The following FGR variants were observed in gnomAD, a reference collection of about 807,000 sequenced individuals.
FGR encodes FGR proto-oncogene, Src family tyrosine kinase.
In FGR, 26 loss-of-function variants were observed where a neutral mutation model predicts 63.2. The ratio of observed to expected loss-of-function variants is 0.41; its 90% CI spans 0.30 to 0.57. The LOEUF is 0.57. Among genes scored for constraint, FGR ranks in the 20% least tolerant of loss-of-function variants. The pLI is 0.27. For missense variants in FGR, 511 were observed against 690.8 expected (o/e 0.74, Z 2.92); for synonymous variants, 286 against 277.7 (o/e 1.03, Z -0.30).
chr1:27,624,349 T>C (rs2089983622), intron 2 of FGR, among the ~76,000 whole-genome samples: 2 of 151,442 alleles, frequency 1.3e-5, no homozygotes, highest in Non-Finnish European at 2.9e-5. Context: ...GATCCTCTGG[T>C]CTCAGCCTCC....
chr1:27,619,438 G>A (rs1340217661), intron 5 of FGR, among the ~76,000 whole-genome samples: 2 of 152,120 alleles, frequency 1.3e-5, no homozygotes, highest in Non-Finnish European at 1.5e-5. Context: ...TGATCCGCCC[G>A]CCTCGGCCTC....
chr1:27,616,898 A>G lies in FGR; in HGVS notation c.641T>C (p.Val214Ala). 1 of 1,614,082 alleles carries G rather than the reference A, an allele frequency of 6.2e-7. No individual in the cohort carries two copies. Among genetic ancestry groups the G allele is most frequent in the East Asian group, 2.2e-5 (1 of 44,884 alleles). Residue 214 changes from valine (V) to alanine (A), a missense_variant, in exon 7 of 13, where the codon GTT becomes GCT. By Grantham distance (64) the Val-to-Ala change is moderately conservative. Transcript: ENST00000374005. This position sits in a 1 kb window ranked among gnomAD's most constrained non-coding sequence, Gnocchi z 4.3. ...DMGGYYITTR[V>A]QFNSVQELVQ... Reference sequence around the variant, plus strand: ...CAGCTCCTGCACCGAGTTGAACTGAACCCGTGTGGTGATGTAGTAGCCGCC... The same window carrying G: ...CAGCTCCTGCACCGAGTTGAACTGAGCCCGTGTGGTGATGTAGTAGCCGCC...
chr1:27,620,984 C>A (rs1458726281), intron 5 of FGR, among the ~76,000 whole-genome samples: 6 of 95,116 alleles, frequency 6.3e-5, no homozygotes. Flanking sequence ...AGAGTAGGAC[C>A]CTGTCTCAAA....
chr1:27,618,004 A>G (rs747116566), intron 5 of FGR, among the ~76,000 whole-genome samples: 9 of 152,316 alleles, frequency 5.9e-5, no homozygotes, highest in Non-Finnish European at 1.3e-4. Context: ...CAGGTGCCAT[A>G]GAAGACTCAG....
At chr1:27,622,157 C>CA (rs2089940552) in intron 4 of FGR, among the ~76,000 whole-genome samples, 1 of 151,896 alleles carries the variant, frequency 6.6e-6, no homozygotes, top group Admixed American at 6.6e-5. Context: ...ACTGAAAATA[C>CA]AAAAAATTAG....
rs755738879 is a variant in FGR at position 27,614,468 on chromosome 1, G to A, written c.1211C>T (p.Ala404Val). 1.2e-6 allele frequency: 2 copies of A among 1,613,466 alleles called. No individual in the cohort carries two copies. Among genetic ancestry groups the A allele is most frequent in the Non-Finnish European group, 1.7e-6 (2 of 1,179,736 alleles). Residue 404 changes from alanine to valine, a missense_variant, in exon 11 of 13, where the codon GCG becomes GTG. Coordinates refer to ENST00000374005, the MANE Select transcript of FGR (RefSeq NM_005248.3). ...GTACTCATCGTCCTTGATGAGACGC[G>A]CCAAGCCAAAGTCTGCGATCTTGCA... ...LACKIADFGL[A>V]RLIKDDEYNP...
At chr1:27,622,505 A>T (rs1482029371) in intron 4 of FGR, among the ~76,000 whole-genome samples, 1 of 149,292 alleles carries the variant, frequency 6.7e-6, no homozygotes, top group Non-Finnish European at 1.5e-5. Flanking sequence ...TTATTTTTTA[A>T]TTATTTATTT....
intron 1 of FGR, among the ~76,000 whole-genome samples, chr1:27,630,063 T>C (rs1350568861): frequency 2.0e-5 from 3 of 151,402 alleles, no homozygotes; most frequent in Non-Finnish European, 4.4e-5. Flanking sequence ...TTTTTTGTGA[T>C]TTTTTTTGAG....
chr1:27,634,867 A>G (rs1322224209), intron 1 of FGR, among the ~76,000 whole-genome samples, 198 bp downstream of exon 1: 1 of 151,552 alleles, frequency 6.6e-6, no homozygotes, highest in Non-Finnish European at 1.5e-5. Context: ...CAGGTTTATC[A>G]GCCTTGCTTT....
At chr1:27,627,966 C>T (rs1198819163) in intron 1 of FGR, among the ~76,000 whole-genome samples, 1 of 151,980 alleles carries the variant, frequency 6.6e-6, no homozygotes, top group Admixed American at 6.6e-5. Context: ...GAAACCTGCC[C>T]AGGGTTGGCC....
In FGR at chr1:27,615,075, TCCTGGC is replaced by T; in HGVS notation, c.1019-155_1019-150del. The T allele has an allele frequency of 1.5e-6, 1 of 668,454 alleles. No individual in the cohort carries two copies. Among genetic ancestry groups the T allele is most frequent in the Middle Eastern group, 4.0e-4 (1 of 2,490 alleles). The allele number at this position is 668,454 out of a possible 1,614,324, so 41.4% of individuals were successfully genotyped here. On this transcript the variant is annotated intron_variant, in intron 9 of 12. Coordinates refer to ENST00000374005, the MANE Select transcript of FGR (RefSeq NM_005248.3). The surrounding 1 kb of genome is among the most constrained non-coding windows in gnomAD (Gnocchi z 7.6). Reference sequence around the variant, plus strand: ...GTGCCTCAACCCCTCACTTGTCTCGTCCTGGCCCTGCTGCCAGACACGGACTCTGCC... The same window carrying T: ...GTGCCTCAACCCCTCACTTGTCTCGTCCTGCTGCCAGACACGGACTCTGCC...
At chr1:27,633,405 A>G (rs2090134066) in intron 1 of FGR, among the ~76,000 whole-genome samples, 5 of 152,204 alleles carry the variant, frequency 3.3e-5, no homozygotes, top group Admixed American at 3.3e-4. Flanking sequence ...AGGGGCGGCC[A>G]ACTGGATGCA....
At chr1:27,626,309 C>G (rs1373035344) in intron 1 of FGR, 1 of 397,902 alleles carries the variant, frequency 2.5e-6, no homozygotes, top group East Asian at 3.6e-5. Flanking sequence ...TGGGGCCAAC[C>G]TTGTGAACCC....
chr1:27,614,553 T>G lies in FGR; in HGVS notation c.1126A>C (p.Met376Leu). The G allele has an allele frequency of 6.2e-7, 1 of 1,614,086 alleles. No individual in the cohort carries two copies. Among genetic ancestry groups the G allele is most frequent in the South Asian group, 1.1e-5 (1 of 91,056 alleles). ...CTCAGGTCGCGGTGAATGTAGTTCA[T>G]GCGTTCCATGTAGGCCATGCCCTCA... is the stretch of plus-strand genomic sequence containing the variant. ...VAEGMAYMER[M>L]NYIHRDLRAA... is the part of the protein sequence containing the mutation. Residue 376 changes from methionine (M) to leucine (L), a missense_variant, in exon 11 of 13, where the codon ATG becomes CTG. Met to Leu is a conservative substitution (Grantham distance 15). Transcript: ENST00000374005.
intron 1 of FGR, among the ~76,000 whole-genome samples, chr1:27,626,943 G>A (rs1199173400): frequency 6.6e-6 from 1 of 152,088 alleles, no homozygotes; most frequent in African/African-American, 2.4e-5. Context: ...GAGGCAGGAT[G>A]ATTGCTTGAG....
chr1:27,613,176 C>T lies in FGR; in HGVS notation c.1381+43G>A, dbSNP rs373906596. On this transcript the variant is annotated intron_variant, in intron 12 of 12. Transcript: ENST00000374005. ...GGACAGCCAGGTGGAAGCCCTTCCCCGTGACCATCCCCCACCCCAGCCCTA... is the reference window on the plus strand; with the variant it reads ...GGACAGCCAGGTGGAAGCCCTTCCCTGTGACCATCCCCCACCCCAGCCCTA... 3.9e-4 allele frequency: 622 copies of T among 1,609,950 alleles called. No homozygotes were observed. The Middle Eastern group carries it at 4.5e-3, about 12-fold the overall frequency.
rs2089705588 is a variant in FGR, at chr1:27,612,088, T to C, written c.*826A>G. 1 of 152,206 alleles carries C rather than the reference T, an allele frequency of 6.6e-6. No individual in the cohort carries two copies. Among genetic ancestry groups the C allele is most frequent in the Non-Finnish European group, 1.5e-5 (1 of 68,036 alleles). The allele number at this position is 152,206 out of a possible 1,614,324, so 9.4% of individuals were successfully genotyped here. A position where few individuals can be genotyped will look rare whatever the true frequency, so the allele number is the denominator to read the frequency against. On this transcript the variant is annotated 3_prime_UTR_variant, in exon 13 of 13. Transcript: ENST00000374005. ...ATCAGCAACGAAGGGGACATTTTAA[T>C]GTATCTTCAGCTGCTTGTCTTCTAA...
chr1:27,618,682 G>A (rs17162673), intron 5 of FGR, among the ~76,000 whole-genome samples: 8,625 of 152,022 alleles, frequency 0.057, 815 homozygotes, highest in African/African-American at 0.19. Flanking sequence ...TCGCCTACCC[G>A]CTCCTGCTCA....
Position 27,615,851 on chromosome 1 carries a change from G to T in FGR, c.683-7C>A, listed in dbSNP as rs367996753. 1,910 of 1,572,958 alleles carry T rather than the reference G, an allele frequency of 1.2e-3. 3 individuals are homozygous for T. The highest frequency in any genetic ancestry group is 1.7e-3 in the South Asian group (149 of 86,078). On this transcript the variant is annotated splice_region_variant and splice_polypyrimidine_tract_variant and intron_variant, in intron 7 of 12. Coordinates refer to ENST00000374005, the MANE Select transcript of FGR (RefSeq NM_005248.3). This position sits in a 1 kb window ranked among gnomAD's most constrained non-coding sequence, Gnocchi z 7.6. ...CACAGCCCGTCATTCACCTCTAGGG[G>T]AGGGGTCATGAAGTAGAGTCACAGG...
Sources: gnomAD v4.1 joint callset for allele counts (sites outside exome capture counted in the v4.1 genomes callset) on GRCh38, gnomAD v4.1.1 for gene constraint, Gnocchi (gnomAD v3.1) non-coding constraint, MANE v1.5 for transcripts, NCBI Gene and HGNC (gene_info 2026-07-23, HGNC 2026-07-21) for gene names.